The following SLIT2 variants were observed in gnomAD, a reference collection of about 807,000 sequenced individuals.
SLIT2 encodes slit guidance ligand 2.
SLIT2 carries 41 observed loss-of-function variants against 185.7 expected under a neutral mutation model. The observed-to-expected ratio is 0.22, with a 90% confidence interval of 0.17 to 0.29. SLIT2 has a LOEUF of 0.29. Among genes scored for constraint, SLIT2 ranks in the 10% least tolerant of loss-of-function variants. SLIT2 has a pLI of 1.00. For synonymous variants in SLIT2, 693 were observed against 680.2 expected (o/e 1.02, Z -0.29); for missense variants, 1,571 against 1,909.0 (o/e 0.82, Z 3.30).
At chr4:20,319,319 G>T (rs181457823) in intron 4 of SLIT2, among the ~76,000 whole-genome samples, 20 of 152,202 alleles carry the variant, frequency 1.3e-4, no homozygotes, top group African/African-American at 4.8e-4. Context: ...TATTGTACTT[G>T]CAAATGTTAT....
chr4:20,437,838 C>T (rs1729456748), intron 4 of SLIT2, among the ~76,000 whole-genome samples: 1 of 149,896 alleles, frequency 6.7e-6, no homozygotes, highest in South Asian at 2.1e-4. Flanking sequence ...TGGCGTGAAC[C>T]CAAGAGGCAG....
At chr4:20,390,211 A>G (rs190072521) in intron 4 of SLIT2, among the ~76,000 whole-genome samples, 47 of 152,220 alleles carry the variant, frequency 3.1e-4, no homozygotes, top group Middle Eastern at 3.4e-3. Flanking sequence ...TAACCTCACT[A>G]TTCTAATTAA....
chr4:20,270,196 A>G (rs989895148), intron 4 of SLIT2, among the ~76,000 whole-genome samples: 6 of 151,978 alleles, frequency 3.9e-5, no homozygotes, highest in Non-Finnish European at 8.8e-5. Context: ...AGATAATTAT[A>G]TCTAAATATT....
At position 20,472,487 on chromosome 4, in the gene SLIT2, T is replaced by TATCTATATAGATATATCTATATAG. The variant is rs1203214296; in HGVS notation, c.467+4666_467+4667insCTATATAGATATATCTATATAGAT. On this transcript the variant is annotated intron_variant, in intron 5 of 36. Transcript: ENST00000504154. The stretch of plus-strand genomic sequence containing the variant: ...ATATCTATATATAGATATATATCTA[T>TATCTATATAGATATATCTATATAG]ATATAGATATATATCTATATATAGA... Among the ~76,000 whole-genome samples, 2 of 19,178 alleles carry TATCTATATAGATATATCTATATAG rather than the reference T, an allele frequency of 1.0e-4. 1 individual carries two copies. The highest frequency in any genetic ancestry group is 6.6e-4 in the African/African-American group (2 of 3,032). 12.6% of individuals were successfully genotyped at this position (19,178 alleles called of 152,430 possible).
chr4:20,586,048 A>G (rs914687594), intron 29 of SLIT2, among the ~76,000 whole-genome samples: 8 of 152,190 alleles, frequency 5.3e-5, no homozygotes, highest in Non-Finnish European at 1.2e-4. Flanking sequence ...GTTGAGAAGT[A>G]GACATGCAGG....
intron 4 of SLIT2, among the ~76,000 whole-genome samples, chr4:20,281,626 A>C (rs1246960756): frequency 6.6e-6 from 1 of 152,134 alleles, no homozygotes; most frequent in Non-Finnish European, 1.5e-5. Context: ...GTTTCAAGGA[A>C]AGTTGTTAAT....
At chr4:20,419,617 G>T (rs1727994944) in intron 4 of SLIT2, among the ~76,000 whole-genome samples, 1 of 151,122 alleles carries the variant, frequency 6.6e-6, no homozygotes, top group Non-Finnish European at 1.5e-5. Flanking sequence ...CTTTAAAATG[G>T]GGAAGATGGC....
intron 18 of SLIT2, among the ~76,000 whole-genome samples, chr4:20,534,019 T>G (rs1224232243): frequency 6.6e-6 from 1 of 152,184 alleles, no homozygotes. Flanking sequence ...TCATAGCAGA[T>G]GATCAGGAGC....
At chr4:20,384,817 T>C (rs1204854338) in intron 4 of SLIT2, among the ~76,000 whole-genome samples, 3 of 152,142 alleles carry the variant, frequency 2.0e-5, no homozygotes, top group African/African-American at 7.2e-5. Context: ...AATTCATATG[T>C]ATATGCTTTA....
intron 35 of SLIT2, 73 bp downstream of exon 35, chr4:20,617,271 G>A: frequency 1.4e-6 from 1 of 726,506 alleles, no homozygotes; most frequent in Non-Finnish European, 2.1e-6. Context: ...AGGAAGGAAA[G>A]AAGAAGGGGA....
intron 12 of SLIT2, 68 bp downstream of exon 12, chr4:20,519,521 T>G: frequency 1.1e-6 from 1 of 949,786 alleles, no homozygotes; most frequent in Non-Finnish European, 1.6e-6. Flanking sequence ...TTGTCTCATA[T>G]TTTTATGGAG....
intron 4 of SLIT2, among the ~76,000 whole-genome samples, chr4:20,386,292 C>T (rs1245570493): frequency 6.6e-6 from 1 of 152,200 alleles, no homozygotes; most frequent in Non-Finnish European, 1.5e-5. Flanking sequence ...TAATTTCCCA[C>T]AGGTATTACT....
At chr4:20,383,863 T>A (rs1389968187) in intron 4 of SLIT2, among the ~76,000 whole-genome samples, 1 of 152,014 alleles carries the variant, frequency 6.6e-6, no homozygotes, top group Non-Finnish European at 1.5e-5. Context: ...CCACCATGCC[T>A]GGCTAATTTT....
intron 9 of SLIT2, among the ~76,000 whole-genome samples, chr4:20,501,732 T>G (rs1412194714): frequency 6.6e-6 from 1 of 152,240 alleles, no homozygotes; most frequent in African/African-American, 2.4e-5. Flanking sequence ...CAGGCCATTA[T>G]TGAGTTCACT....
intron 4 of SLIT2, among the ~76,000 whole-genome samples, chr4:20,325,968 C>T (rs544680841): frequency 6.6e-6 from 1 of 152,070 alleles, no homozygotes; most frequent in East Asian, 1.9e-4. Flanking sequence ...AAATTTAGTG[C>T]TTGGTTTTGT....
rs188399230 is a variant in SLIT2, at chr4:20,301,512, C to A, written c.395+32631C>A. 9.9e-5 allele frequency among the ~76,000 whole-genome samples: 15 copies of A among 152,234 alleles called. No individual in the cohort carries two copies. The East Asian group carries it at 2.9e-3, about 29-fold the overall frequency. ...GGGCATACTAACTCTATTGTACCTGCCACTTATGCAGTATTAGTTTCAGAC... is the reference window on the plus strand; with the variant it reads ...GGGCATACTAACTCTATTGTACCTGACACTTATGCAGTATTAGTTTCAGAC... On this transcript the variant is annotated intron_variant, in intron 4 of 36. Transcript: ENST00000504154.
intron 4 of SLIT2, among the ~76,000 whole-genome samples, chr4:20,302,096 A>G (rs1239809928): frequency 6.6e-6 from 1 of 152,252 alleles, no homozygotes; most frequent in Non-Finnish European, 1.5e-5. Context: ...TAGAGAAACG[A>G]AGATTAATTT....
At chr4:20,434,583 C>T (rs576373316) in intron 4 of SLIT2, among the ~76,000 whole-genome samples, 8 of 152,148 alleles carry the variant, frequency 5.3e-5, no homozygotes, top group South Asian at 4.2e-4. Context: ...AAGAGTCTTA[C>T]GACTACAGGT....
At chr4:20,573,356 A>G in intron 29 of SLIT2, 1 of 694,052 alleles carries the variant, frequency 1.4e-6, no homozygotes. Flanking sequence ...AGTAAAAAGG[A>G]ATGTTGACAA....
Sources: allele counts gnomAD v4.1 joint callset (sites outside exome capture counted in the v4.1 genomes callset), GRCh38; gene constraint gnomAD v4.1.1; transcripts MANE v1.5; gene names NCBI Gene and HGNC (gene_info 2026-07-23, HGNC 2026-07-21).